The following FRAS1 variants were observed in gnomAD, a reference collection of about 807,000 sequenced individuals.
FRAS1 encodes the protein extracellular matrix organizing protein FRAS1.
In FRAS1, 290 loss-of-function variants were observed where a neutral mutation model predicts 435.2. The observed-to-expected ratio is 0.67, with a 90% CI of 0.61 to 0.73. The LOEUF is 0.73. Among genes scored for constraint, FRAS1 ranks in the 30% least tolerant of loss-of-function variants. FRAS1 has a pLI of 0.00. For missense variants in FRAS1, 4,860 were observed against 5,001.5 expected (o/e 0.97, Z 0.85); for synonymous variants, 1,800 against 1,851.0 (o/e 0.97, Z 0.71).
chr4:78,241,187 A>G (rs1368357071), intron 3 of FRAS1, among the ~76,000 whole-genome samples: 1 of 152,176 alleles, frequency 6.6e-6, no homozygotes, highest in Non-Finnish European at 1.5e-5. Context: ...GCAACATTAC[A>G]TCTGAGAGGT....
At chr4:78,423,835 A>T (rs1733894967) in intron 34 of FRAS1, among the ~76,000 whole-genome samples, 1 of 152,200 alleles carries the variant, frequency 6.6e-6, no homozygotes, top group Non-Finnish European at 1.5e-5. Context: ...AACACAGGAT[A>T]TCCTGGGATT....
chr4:78,101,112 C>T (rs897978571), intron 2 of FRAS1, among the ~76,000 whole-genome samples: 6 of 141,452 alleles, frequency 4.2e-5, no homozygotes, highest in Admixed American at 2.2e-4. Context: ...ATGAATAACT[C>T]GATTTTTTTT....
chr4:78,412,552 CATT>C (rs1733383635), intron 31 of FRAS1, among the ~76,000 whole-genome samples: 2 of 152,076 alleles, frequency 1.3e-5, no homozygotes, highest in African/African-American at 2.4e-5. Flanking sequence ...CATAATAAGA[CATT>C]ATATAGTTCT....
At chr4:78,502,039 G>T (rs1056038887) in intron 61 of FRAS1, among the ~76,000 whole-genome samples, 5 of 152,136 alleles carry the variant, frequency 3.3e-5, no homozygotes, top group Admixed American at 2.0e-4. Context: ...AATGTGTGGT[G>T]TTATTTCTGA....
At chr4:78,414,205 A>G (rs760047162) in intron 32 of FRAS1, among the ~76,000 whole-genome samples, 1 of 152,382 alleles carries the variant, frequency 6.6e-6, no homozygotes. Flanking sequence ...GTAATTCATC[A>G]TTCTGACTGG....
At chr4:78,372,656 T>G (rs1296684686) in intron 23 of FRAS1, 62 bp from the exon 24 acceptor site, 7 of 1,593,408 alleles carry the variant, frequency 4.4e-6, no homozygotes, top group African/African-American at 2.7e-5. Flanking sequence ...TCCTCATAAA[T>G]GAACTGCTGG....
chr4:78,129,735 C>T (rs544735396), intron 2 of FRAS1, among the ~76,000 whole-genome samples: 1 of 152,270 alleles, frequency 6.6e-6, no homozygotes, highest in Admixed American at 6.5e-5. Flanking sequence ...AAATTGACCT[C>T]CTCACCTTCT....
chr4:78,358,530 C>G (rs1282931155), intron 20 of FRAS1, among the ~76,000 whole-genome samples: 1 of 134,790 alleles, frequency 7.4e-6, no homozygotes, highest in Non-Finnish European at 1.6e-5. Context: ...TCTCAGTTTC[C>G]TCATTTATAA....
At chr4:78,126,031 C>G (rs566602383) in intron 2 of FRAS1, among the ~76,000 whole-genome samples, 3 of 152,312 alleles carry the variant, frequency 2.0e-5, no homozygotes, top group Admixed American at 6.5e-5. Flanking sequence ...CTGCAGTGGG[C>G]TCCACCCAGT....
chr4:78,315,751 C>T lies in FRAS1; in HGVS notation c.1819+17C>T. On this transcript the variant is annotated intron_variant, in intron 16 of 73. Transcript: ENST00000512123. The stretch of plus-strand genomic sequence containing the variant: ...GGTGCAAAGGTAAGAGATGGGTCAC[C>T]ATCATCATCATCAAAAAGTATTGAG... 2.5e-6 allele frequency: 4 copies of T among 1,610,942 alleles called. No homozygotes were observed. The highest frequency in any genetic ancestry group is 1.3e-5 in the African/African-American group (1 of 74,942).
intron 2 of FRAS1, among the ~76,000 whole-genome samples, chr4:78,167,973 T>C (rs1721402251): frequency 6.6e-6 from 1 of 152,090 alleles, no homozygotes; most frequent in Non-Finnish European, 1.5e-5. Context: ...ATGTTCTATA[T>C]GTATCAAGAT....
intron 61 of FRAS1, among the ~76,000 whole-genome samples, chr4:78,502,691 T>C (rs909988577): frequency 8.5e-5 from 13 of 152,346 alleles, no homozygotes; most frequent in South Asian, 6.2e-4. Context: ...CTTTTCCTAA[T>C]TGAATACCCT....
intron 47 of FRAS1, among the ~76,000 whole-genome samples, chr4:78,458,245 G>C (rs990716515): frequency 1.3e-5 from 2 of 152,128 alleles, no homozygotes; most frequent in African/African-American, 4.8e-5. Context: ...CGTTGTGGAG[G>C]CTAGTCTGTA....
At chr4:78,166,892 C>T (rs749955815) in intron 2 of FRAS1, among the ~76,000 whole-genome samples, 1 of 152,100 alleles carries the variant, frequency 6.6e-6, no homozygotes, top group African/African-American at 2.4e-5. Flanking sequence ...CTGGTTTGGC[C>T]ACACCCAGGG....
At chr4:78,303,466 G>A (rs978719971) in intron 14 of FRAS1, among the ~76,000 whole-genome samples, 4 of 152,072 alleles carry the variant, frequency 2.6e-5, no homozygotes, top group African/African-American at 7.2e-5. Flanking sequence ...CTATTTTCAC[G>A]ATATTGATTC....
intron 2 of FRAS1, among the ~76,000 whole-genome samples, chr4:78,169,342 G>T (rs1721459004): frequency 6.6e-6 from 1 of 152,048 alleles, no homozygotes; most frequent in Non-Finnish European, 1.5e-5. Context: ...TATGGCTCAT[G>T]GAGTTCATGG....
At chr4:78,528,168 G>A (rs540175238) in intron 70 of FRAS1, among the ~76,000 whole-genome samples, 1 of 152,234 alleles carries the variant, frequency 6.6e-6, no homozygotes, top group South Asian at 2.1e-4. Context: ...AAGAAACAGG[G>A]CCATCTCAGA....
intron 38 of FRAS1, among the ~76,000 whole-genome samples, chr4:78,437,638 C>T (rs1399694304): frequency 6.6e-6 from 1 of 152,176 alleles, no homozygotes; most frequent in Non-Finnish European, 1.5e-5. Context: ...GCTCACATTC[C>T]TGATCCTGTA....
intron 66 of FRAS1, among the ~76,000 whole-genome samples, chr4:78,517,296 C>T (rs980447789): frequency 6.6e-6 from 1 of 152,168 alleles, no homozygotes; most frequent in African/African-American, 2.4e-5. Context: ...TTCCATTTCT[C>T]CAGTTGTATA....
Sources: gnomAD v4.1 joint callset for allele counts (sites outside exome capture counted in the v4.1 genomes callset) on GRCh38, gnomAD v4.1.1 for gene constraint, MANE v1.5 for transcripts, NCBI Gene and HGNC (gene_info 2026-07-23, HGNC 2026-07-21) for gene names.